The following HMGXB4 variants were observed in gnomAD, a reference collection of about 807,000 sequenced individuals.
HMGXB4 encodes HMG-box containing 4.
HMGXB4 carries 27 observed loss-of-function variants against 63.9 expected under a neutral mutation model. The observed-to-expected ratio is 0.42, with a 90% CI of 0.31 to 0.58. HMGXB4 has a LOEUF of 0.58. Among genes scored for constraint, HMGXB4 ranks in the 20% least tolerant of loss-of-function variants. HMGXB4 has a pLI of 0.13. For synonymous variants in HMGXB4, 264 were observed against 265.3 expected (o/e 0.99, Z 0.05); for missense variants, 624 against 700.7 (o/e 0.89, Z 1.24).
the HMGXB4 span, among the ~76,000 whole-genome samples, chr22:35,248,625 G>A: frequency 1.8e-3 from 274 of 151,954 alleles, no homozygotes; most frequent in African/African-American, 5.7e-3. Flanking sequence ...GGCTGGTCTC[G>A]AACTCCTGAG....
At chr22:35,280,921 G>A (rs1569003214) in intron 5 of HMGXB4, among the ~76,000 whole-genome samples, 1 of 152,144 alleles carries the variant, frequency 6.6e-6, no homozygotes, top group South Asian at 2.1e-4. Flanking sequence ...CCTACTACAT[G>A]TTCCCATAGC....
intron 1 of HMGXB4, chr22:35,258,714 CAAG>C (rs1922631988): frequency 1.3e-5 from 2 of 152,374 alleles, no homozygotes; most frequent in Admixed American, 1.3e-4. Flanking sequence ...GTAGAAGTAA[CAAG>C]AAAATTTCAG....
At chr22:35,291,810 G>A (rs1924948838) in intron 9 of HMGXB4, among the ~76,000 whole-genome samples, 2 of 152,162 alleles carry the variant, frequency 1.3e-5, no homozygotes, top group Non-Finnish European at 2.9e-5. Context: ...CTAGAGTTTA[G>A]CCCCTAAGTG....
chr22:35,262,509 C>T (rs1286747301), intron 2 of HMGXB4, 88 bp downstream of exon 2: 2 of 1,317,186 alleles, frequency 1.5e-6, no homozygotes, highest in Admixed American at 1.7e-5. Flanking sequence ...GGACTGGGCA[C>T]CACAGCCTGG....
intron 10 of HMGXB4, among the ~76,000 whole-genome samples, chr22:35,293,354 A>G (rs1246656081): frequency 6.6e-6 from 1 of 152,230 alleles, no homozygotes; most frequent in Non-Finnish European, 1.5e-5. Flanking sequence ...AGGTACTACA[A>G]TTCCTGTGTT....
At chr22:35,262,083 A>T (rs1303343629) in intron 1 of HMGXB4, 3 of 326,046 alleles carry the variant, frequency 9.2e-6, no homozygotes, top group Non-Finnish European at 1.7e-5. Context: ...TATTGGAGGT[A>T]TTTTATATAC....
At chr22:35,251,078 G>GT in the HMGXB4 span, among the ~76,000 whole-genome samples, 2,363 of 145,196 alleles carry the variant, frequency 0.016, 59 homozygotes, top group African/African-American at 0.053. Context: ...CTTTCTTTCT[G>GT]TTTTTTTTTT....
In HMGXB4 at chr22:35,265,122, T is replaced by C. The variant is rs1923124968; in HGVS notation, c.734T>C (p.Leu245Pro). Residue 245 changes from leucine (L) to proline (P), a missense_variant, in exon 5 of 11, where the codon CTG (leucine) becomes CCG (proline). By Grantham distance (98) the Leu-to-Pro change is moderately conservative. This residue lies in a region of HMGXB4 where 472 missense variants were observed against 470.6 expected (regional missense o/e 1.00). Coordinates refer to ENST00000216106, the MANE Select transcript of HMGXB4 (RefSeq NM_001003681.3). ...CTAGGACATGAGTTACAGAGCTTTC[T>C]GAAAACAGCCCGGAAAAAGCACAAG... ...LLLGHELQSF[L>P]KTARKKHKSS... is the part of the protein sequence containing the mutation. 6.2e-7 allele frequency: 1 copy of C among 1,614,040 alleles called. No homozygotes were observed. The highest frequency in any genetic ancestry group is 1.3e-5 in the African/African-American group (1 of 74,926).
intron 5 of HMGXB4, among the ~76,000 whole-genome samples, chr22:35,271,967 AT>A (rs1555887817): frequency 6.6e-6 from 1 of 152,238 alleles, no homozygotes; most frequent in Non-Finnish European, 1.5e-5. Context: ...TGCTCAGCAC[AT>A]TAGTGAGCAT....
rs1327500614 is a variant in HMGXB4 at position 35,294,833 on chromosome 22, C to G, written c.*1182C>G. ...TCCTTCCTTCCCTGTTTCCTTCCCT[C>G]TTTCCTTCCTTCCTCCTGGTCTGTT... On this transcript the variant is annotated 3_prime_UTR_variant, in exon 11 of 11. Coordinates refer to ENST00000216106, the MANE Select transcript of HMGXB4 (RefSeq NM_001003681.3). The G allele has an allele frequency of 6.6e-6, 1 of 152,138 alleles. No homozygotes were observed. Among genetic ancestry groups the G allele is most frequent in the Non-Finnish European group, 1.5e-5 (1 of 68,012 alleles). The allele number at this position is 152,138 out of a possible 1,614,324, so 9.4% of individuals were successfully genotyped here.
Position 35,287,472 on chromosome 22 carries a change from CCT to C in HMGXB4, c.1468+21_1468+22del, listed in dbSNP as rs1361554399. The C allele has an allele frequency of 6.5e-7, 1 of 1,549,954 alleles. No homozygotes were observed. Among genetic ancestry groups the C allele is most frequent in the Non-Finnish European group, 8.9e-7 (1 of 1,124,804 alleles). ...TCAAAGGTAGTGACCACATCCCGCC[CCT>C]GCTTTTCTCTAAAGCATGTGAATTT... On this transcript the variant is annotated intron_variant, in intron 8 of 10. Transcript: ENST00000216106.
intron 1 of HMGXB4, among the ~76,000 whole-genome samples, chr22:35,260,208 TTAAG>T (rs1420469988): frequency 6.6e-6 from 1 of 152,246 alleles, no homozygotes; most frequent in Non-Finnish European, 1.5e-5. Flanking sequence ...CATTGAATAT[TTAAG>T]TTTTTTGCCA....
intron 1 of HMGXB4, 184 bp from the exon 2 acceptor site, chr22:35,262,139 C>CT (rs1378679298): frequency 6.2e-6 from 3 of 480,060 alleles, no homozygotes; most frequent in African/African-American, 5.9e-5. Context: ...CTAATTAAGC[C>CT]TAGTATACTT....
In HMGXB4 at chr22:35,263,197, G is replaced by T; in HGVS notation, c.151G>T (p.Val51Phe). Reference sequence around the variant, plus strand: ...GGAAGAGGAAGAAATTGCTGCTCAGGTCAGGAATTCTTCCAAGAAGAAGTT... The same window carrying T: ...GGAAGAGGAAGAAATTGCTGCTCAGTTCAGGAATTCTTCCAAGAAGAAGTT... ...LREEEEIAAQ[V>F]RNSSKKKLKD... The change falls in exon 3 of 11, where the codon GTC (valine) becomes TTC (phenylalanine). Residue 51 changes from valine to phenylalanine, a missense_variant. Val to Phe is a conservative substitution (Grantham distance 50, BLOSUM62 -1). Coordinates refer to ENST00000216106, the MANE Select transcript of HMGXB4 (RefSeq NM_001003681.3). 6.2e-7 allele frequency: 1 copy of T among 1,613,366 alleles called. No homozygotes were observed. Among genetic ancestry groups the T allele is most frequent in the Non-Finnish European group, 8.5e-7 (1 of 1,179,736 alleles).
Position 35,264,735 on chromosome 22 carries a change from T to C in HMGXB4, c.347T>C (p.Ile116Thr), listed in dbSNP as rs1190312593. 1 of 1,614,076 alleles carries C rather than the reference T, an allele frequency of 6.2e-7. No homozygotes were observed. Residue 116 changes from isoleucine (I) to threonine (T), a missense_variant, in exon 5 of 11, where the codon ATC (isoleucine) becomes ACC (threonine). Coordinates refer to ENST00000216106, the MANE Select transcript of HMGXB4 (RefSeq NM_001003681.3). ...ACAGCTATGGACCTGTTGAAAGCTA[T>C]CACTTCCCCACTGGCAGCAGGCTCC... ...TDTAMDLLKA[I>T]TSPLAAGSKP...
At chr22:35,290,315 ACTATTTCATTC>A (rs1924847569) in intron 9 of HMGXB4, among the ~76,000 whole-genome samples, 1 of 152,152 alleles carries the variant, frequency 6.6e-6, no homozygotes, top group African/African-American at 2.4e-5. Flanking sequence ...GTGAATCACT[ACTATTTCATTC>A]CAAAACATAT....
upstream of HMGXB4, among the ~76,000 whole-genome samples, chr22:35,252,805 C>A (rs1922243113): frequency 6.6e-6 from 1 of 152,110 alleles, no homozygotes; most frequent in Non-Finnish European, 1.5e-5. Flanking sequence ...AGTTCGAGAC[C>A]AGCCTGACCA....
At chr22:35,243,934 G>A in the HMGXB4 span, among the ~76,000 whole-genome samples, 4 of 152,178 alleles carry the variant, frequency 2.6e-5, 1 homozygote, top group Admixed American at 2.6e-4. Flanking sequence ...TCCCATTCAG[G>A]TTGTTTCTCT....
At chr22:35,289,529 T>G (rs533863947) in intron 9 of HMGXB4, among the ~76,000 whole-genome samples, 1 of 152,236 alleles carries the variant, frequency 6.6e-6, no homozygotes, top group Non-Finnish European at 1.5e-5. Context: ...TTTGATTACT[T>G]CTGTCTCCTT....
Sources: gnomAD v4.1 joint callset for allele counts (sites outside exome capture counted in the v4.1 genomes callset) on GRCh38, gnomAD v4.1.1 for gene constraint, gnomAD v4.1.1 regional missense constraint, MANE v1.5 for transcripts, NCBI Gene and HGNC (gene_info 2026-07-23, HGNC 2026-07-21) for gene names.